Variants in STT3A observed in about 807,000 individuals in gnomAD.
The protein encoded by STT3A is STT3 oligosaccharyltransferase complex catalytic subunit A.
A neutral mutation model predicts 89.2 loss-of-function variants in STT3A; 34 were observed. The ratio of observed to expected loss-of-function variants is 0.38; its 90% CI spans 0.29 to 0.51. The LOEUF is 0.51. STT3A is among the 20% of genes least tolerant of loss of function. The pLI is 0.89. For missense variants in STT3A, 555 were observed against 889.5 expected (o/e 0.62, Z 4.78); for synonymous variants, 282 against 310.3 (o/e 0.91, Z 0.96).
intron 10 of STT3A, chr11:125,610,718 G>GCACACACCCATACCCA (rs776861765): frequency 1.3e-5 from 1 of 79,302 alleles, no homozygotes; most frequent in Non-Finnish European, 2.9e-5. Context: ...AATAATGCGC[G>GCACACACCCATACCCA]CACACACCCA....
chr11:125,601,710 G>A lies in STT3A; in HGVS notation c.150-593G>A, dbSNP rs115042672. On this transcript the variant is annotated intron_variant, in intron 3 of 17. Coordinates refer to ENST00000392708, the MANE Select transcript of STT3A (RefSeq NM_152713.5). ...TTCATGGTGCTTGAATTCTCTGACT[G>A]GTCCTAATGCCTACCACATGTCAGC... 5.2e-3 allele frequency among the ~76,000 whole-genome samples: 798 copies of A among 152,150 alleles called. 3 individuals are homozygous for A. Among genetic ancestry groups the A allele is most frequent in the African/African-American group, 0.018 (758 of 41,494 alleles).
chr11:125,604,885 G>A (rs1939786996), intron 6 of STT3A, among the ~76,000 whole-genome samples: 1 of 152,190 alleles, frequency 6.6e-6, no homozygotes, highest in Non-Finnish European at 1.5e-5. Flanking sequence ...GCTGAGGTGT[G>A]TGGATCATTT....
At position 125,612,829 on chromosome 11, in the gene STT3A, G is replaced by A; in HGVS notation, c.1365+82G>A. 4 of 1,554,952 alleles carry A rather than the reference G, an allele frequency of 2.6e-6. No homozygotes were observed. The South Asian group carries it at 4.9e-5, about 19-fold the overall frequency. The stretch of plus-strand genomic sequence containing the variant: ...TGTATGTGGGCAGCGGGGGGTGGGA[G>A]GAGTAAAGTAGAGCACTGTCCTAGG... On this transcript the variant is annotated intron_variant, in intron 12 of 17. Transcript: ENST00000392708.
Position 125,614,823 on chromosome 11 carries a change from A to G in STT3A, c.1774+397A>G, listed in dbSNP as rs893822383. On this transcript the variant is annotated intron_variant, in intron 15 of 17. Transcript: ENST00000392708. The surrounding 1 kb of genome is among the most constrained non-coding windows in gnomAD (Gnocchi z 4.9). Reference sequence around the variant, plus strand: ...CTGACAGCGTGTAAAAAAAGAGAACATTTTATATATATATAAAATATATAT... The same window carrying G: ...CTGACAGCGTGTAAAAAAAGAGAACGTTTTATATATATATAAAATATATAT... Among the ~76,000 whole-genome samples the G allele has an allele frequency of 6.6e-6, 1 of 151,416 alleles. No individual in the cohort carries two copies. Among genetic ancestry groups the G allele is most frequent in the African/African-American group, 2.4e-5 (1 of 41,336 alleles).
rs769806758 is a variant in STT3A at position 125,618,449 on chromosome 11, T to C, written c.1851T>C (p.Tyr617=). 1.6e-5 allele frequency: 26 copies of C among 1,613,920 alleles called. No individual in the cohort carries two copies. Among genetic ancestry groups the C allele is most frequent in the African/African-American group, 5.3e-5 (4 of 74,870 alleles). The change falls in exon 16 of 18, where the codon TAT becomes TAC. Residue 617 remains tyrosine (Y), a synonymous_variant. Transcript: ENST00000392708. ...DTGKHIKEND[Y]YTPTGEFRVD... ...GCAAACATATCAAGGAGAATGACTATTATACTCCAACTGGGGAGTTCCGTG... is the reference window on the plus strand; with the variant it reads ...GCAAACATATCAAGGAGAATGACTACTATACTCCAACTGGGGAGTTCCGTG...
In STT3A at chr11:125,605,588, G is replaced by C. The variant is rs371257915; in HGVS notation, c.509-41G>C. 5 of 1,463,146 alleles carry C rather than the reference G, an allele frequency of 3.4e-6. No individual in the cohort carries two copies. The African/African-American group carries it at 7.0e-5, about 20-fold the overall frequency. 90.6% of individuals were successfully genotyped at this position (1,463,146 alleles called of 1,614,324 possible). ...AACAGTATTCTTAATGACTATACTA[G>C]CCTGGCCTCTTGTTGAATTTTTGGT... is the stretch of plus-strand genomic sequence containing the variant. On this transcript the variant is annotated intron_variant, in intron 6 of 17. Transcript: ENST00000392708.
At chr11:125,606,895 G>A (rs112700542) in intron 8 of STT3A, among the ~76,000 whole-genome samples, 7 of 152,252 alleles carry the variant, frequency 4.6e-5, no homozygotes, top group African/African-American at 1.7e-4. Flanking sequence ...ACAGACAACT[G>A]TTAAATCAAA....
At chr11:125,601,548 C>T (rs1342491379) in intron 3 of STT3A, among the ~76,000 whole-genome samples, 1 of 151,824 alleles carries the variant, frequency 6.6e-6, no homozygotes. Flanking sequence ...GCTTGAACTC[C>T]GTAGGCAGAG....
chr11:125,605,912 C>T (rs576095440), intron 7 of STT3A, among the ~76,000 whole-genome samples, 177 bp downstream of exon 7: 1 of 152,184 alleles, frequency 6.6e-6, no homozygotes, highest in African/African-American at 2.4e-5. Flanking sequence ...ATTGCTTCCA[C>T]TTGCTCACAT....
At chr11:125,609,661 C>A in intron 10 of STT3A, 72 bp downstream of exon 10, 1 of 1,545,088 alleles carries the variant, frequency 6.5e-7, no homozygotes, top group East Asian at 2.3e-5. Context: ...TGCAAGCTAC[C>A]CTCATTCGTG....
intron 16 of STT3A, 32 bp downstream of exon 16, chr11:125,618,593 A>G: frequency 6.3e-7 from 1 of 1,588,074 alleles, no homozygotes; most frequent in Non-Finnish European, 8.6e-7. Context: ...TAATAACAGT[A>G]GTAATAATAG....
At chr11:125,617,087 C>T (rs765736026) in intron 15 of STT3A, among the ~76,000 whole-genome samples, 1 of 152,062 alleles carries the variant, frequency 6.6e-6, no homozygotes, top group Non-Finnish European at 1.5e-5. Flanking sequence ...AGCTGATGTT[C>T]TGGGGGTTTA....
At position 125,611,522 on chromosome 11, in the gene STT3A, G is replaced by A. The variant is rs1940013795; in HGVS notation, c.1209+3G>A. On this transcript the variant is annotated splice_donor_region_variant and intron_variant, in intron 11 of 17. Coordinates refer to ENST00000392708, the MANE Select transcript of STT3A (RefSeq NM_152713.5). Reference sequence around the variant, plus strand: ...GCATGTACTTTTCAGCTGTAATGGTGAGGATGCCCTCAGTCTGGTAGACTT... The same window carrying A: ...GCATGTACTTTTCAGCTGTAATGGTAAGGATGCCCTCAGTCTGGTAGACTT... 2 of 1,613,248 alleles carry A rather than the reference G, an allele frequency of 1.2e-6. No homozygotes were observed. Among genetic ancestry groups the A allele is most frequent in the Non-Finnish European group, 1.7e-6 (2 of 1,179,558 alleles).
intron 10 of STT3A, among the ~76,000 whole-genome samples, chr11:125,610,056 CCT>C (rs1939955620): frequency 7.7e-6 from 1 of 130,526 alleles, no homozygotes; most frequent in South Asian, 2.4e-4. Context: ...ATAACTTTTA[CCT>C]TTTTTTTTTT....
intron 4 of STT3A, 24 bp downstream of exon 4, chr11:125,602,448 T>G (rs1285022241): frequency 6.5e-7 from 1 of 1,543,820 alleles, no homozygotes. Context: ...ATGTGTTTTT[T>G]TTTTTAAAAA....
chr11:125,619,572 A>C (rs2070816830), intron 16 of STT3A, among the ~76,000 whole-genome samples: 1 of 152,166 alleles, frequency 6.6e-6, no homozygotes, highest in African/African-American at 2.4e-5. Context: ...TGATGACTAC[A>C]TTGAGAGTTA....
In STT3A at chr11:125,621,832, A is replaced by T. The variant is rs1449793164; in HGVS notation, c.*1022A>T. On this transcript the variant is annotated 3_prime_UTR_variant, in exon 18 of 18. Transcript: ENST00000392708. Reference sequence around the variant, plus strand: ...TGCAAGAAAAGAGGAGAAACTTCTTAAAAAGTTTTAAGCCTGGGCAACATA... The same window carrying T: ...TGCAAGAAAAGAGGAGAAACTTCTTTAAAAGTTTTAAGCCTGGGCAACATA... 3 of 152,218 alleles carry T rather than the reference A, an allele frequency of 2.0e-5. No individual in the cohort carries two copies. Among genetic ancestry groups the T allele is most frequent in the Non-Finnish European group, 2.9e-5 (2 of 68,046 alleles). 9.4% of individuals were successfully genotyped at this position (152,218 alleles called of 1,614,324 possible). A position where few individuals can be genotyped will look rare whatever the true frequency, so the allele number is the denominator to read the frequency against.
At chr11:125,596,956 CTG>C in intron 2 of STT3A, 101 bp from the exon 3 acceptor site, 1 of 1,231,812 alleles carries the variant, frequency 8.1e-7, no homozygotes, top group Non-Finnish European at 1.2e-6. Context: ...TTTATATTTT[CTG>C]TGACCTCTCT....
At chr11:125,608,532 G>C in intron 9 of STT3A, 1 of 339,376 alleles carries the variant, frequency 2.9e-6, no homozygotes. Flanking sequence ...CTCCATGTTT[G>C]TCAGGCTGGT....
Sources: gnomAD v4.1 joint callset for allele counts (sites outside exome capture counted in the v4.1 genomes callset) on GRCh38, gnomAD v4.1.1 for gene constraint, Gnocchi (gnomAD v3.1) non-coding constraint, MANE v1.5 for transcripts, NCBI Gene and HGNC (gene_info 2026-07-23, HGNC 2026-07-21) for gene names.